Variants in SENP7 observed in about 807,000 individuals in gnomAD.
The protein encoded by SENP7 is sentrin-specific protease 7.
A neutral mutation model predicts 141.2 loss-of-function variants in SENP7; 64 were observed. The observed-to-expected ratio is 0.45, with a 90% CI of 0.37 to 0.56. The LOEUF (loss-of-function observed/expected upper bound fraction) is 0.56. Ranked by LOEUF, SENP7 falls within the 20% of genes least tolerant of loss-of-function variation. The pLI, the probability that SENP7 is intolerant of heterozygous loss-of-function variation, is 0.00. For synonymous variants in SENP7, 382 were observed against 426.4 expected (o/e 0.90, Z 1.28); for missense variants, 1,025 against 1,212.2 (o/e 0.85, Z 2.29).
chr3:101,345,213 G>A (rs1195810506), intron 13 of SENP7, among the ~76,000 whole-genome samples: 2 of 136,120 alleles, frequency 1.5e-5, no homozygotes, highest in Admixed American at 7.0e-5. Context: ...GGTTCCATAT[G>A]AATTTTAGGA....
Position 101,326,010 on chromosome 3 carries a change from T to C in SENP7, c.3086A>G (p.Lys1029Arg). The change falls in exon 24 of 24, where the codon AAA becomes AGA. Residue 1029 changes from lysine to arginine, a missense_variant. This residue lies in a region of SENP7 where 295 missense variants were observed against 459.1 expected (regional missense o/e 0.64). Coordinates refer to ENST00000394095, the MANE Select transcript of SENP7 (RefSeq NM_020654.5). Reference sequence around the variant, plus strand: ...GATGAGCTCTCGAATATCTTCCCGTTTGGTCTTTATTACATGACGAGGAAA... The same window carrying C: ...GATGAGCTCTCGAATATCTTCCCGTCTGGTCTTTATTACATGACGAGGAAA... ...KWFPRHVIKTKREDIRELILK... is the reference protein window; with the variant it reads ...KWFPRHVIKTRREDIRELILK... 6.2e-7 allele frequency: 1 copy of C among 1,611,092 alleles called. No individual in the cohort carries two copies. Among genetic ancestry groups the C allele is most frequent in the Non-Finnish European group, 8.5e-7 (1 of 1,178,432 alleles).
chr3:101,422,610 A>G (rs1483665921), intron 4 of SENP7, among the ~76,000 whole-genome samples: 2 of 152,138 alleles, frequency 1.3e-5, no homozygotes, highest in Non-Finnish European at 2.9e-5. Context: ...AGAACCATCC[A>G]ACTGTCTATT....
chr3:101,433,546 AC>A (rs2062265361), intron 4 of SENP7, among the ~76,000 whole-genome samples: 1 of 152,140 alleles, frequency 6.6e-6, no homozygotes, highest in South Asian at 2.1e-4. Context: ...ATAAAGACAC[AC>A]ATAAACTAAA....
intron 1 of SENP7, among the ~76,000 whole-genome samples, chr3:101,502,909 C>A (rs1459172667): frequency 6.8e-6 from 1 of 146,448 alleles, no homozygotes; most frequent in East Asian, 2.0e-4. Context: ...GAGTAAGACC[C>A]TGTCTCAGAT....
intron 2 of SENP7, among the ~76,000 whole-genome samples, chr3:101,499,758 A>G (rs2065302161): frequency 1.3e-5 from 2 of 151,656 alleles, no homozygotes; most frequent in Non-Finnish European, 2.9e-5. Context: ...GATGGTCTCG[A>G]TCTCCTGACC....
chr3:101,369,394 A>G (rs1232773115), intron 7 of SENP7, among the ~76,000 whole-genome samples: 1 of 152,248 alleles, frequency 6.6e-6, no homozygotes, highest in South Asian at 2.1e-4. Flanking sequence ...AACAATTCCT[A>G]ATAACTAATA....
At chr3:101,467,947 C>A (rs992938620) in intron 3 of SENP7, among the ~76,000 whole-genome samples, 3 of 152,066 alleles carry the variant, frequency 2.0e-5, no homozygotes, top group Admixed American at 2.0e-4. Flanking sequence ...CGCAAGGAAG[C>A]TAAAAACCTT....
In SENP7 at chr3:101,325,280, CAT is replaced by C. The variant is rs1301553386; in HGVS notation, c.*661_*662del. The stretch of plus-strand genomic sequence containing the variant: ...AATGAACTAAATTATAAGATACTCA[CAT>C]ATGACATCAAAAGAAATGAAAAAAA... On this transcript the variant is annotated 3_prime_UTR_variant, in exon 24 of 24. Coordinates refer to ENST00000394095, the MANE Select transcript of SENP7 (RefSeq NM_020654.5). 1 of 135,684 alleles carries C rather than the reference CAT, an allele frequency of 7.4e-6. No individual in the cohort carries two copies. Among genetic ancestry groups the C allele is most frequent in the African/African-American group, 2.6e-5 (1 of 37,952 alleles). 8.4% of individuals were successfully genotyped at this position (135,684 alleles called of 1,614,324 possible). A position where few individuals can be genotyped will look rare whatever the true frequency, so the allele number is the denominator to read the frequency against.
intron 1 of SENP7, among the ~76,000 whole-genome samples, chr3:101,501,330 C>T (rs2065370112): frequency 6.6e-6 from 1 of 150,638 alleles, no homozygotes; most frequent in African/African-American, 2.4e-5. Context: ...CACAAAATGT[C>T]CCCAGTAAAA....
Position 101,343,749 on chromosome 3 carries a change from T to C in SENP7, c.2043A>G (p.Ser681=), listed in dbSNP as rs747276035. 6 of 1,613,664 alleles carry C rather than the reference T, an allele frequency of 3.7e-6. No individual in the cohort carries two copies. In the African/African-American group the frequency reaches 8.0e-5, roughly 22 times the overall value. The change falls in exon 14 of 24, where the codon TCA becomes TCG. Residue 681 remains serine (S), a synonymous_variant. Coordinates refer to ENST00000394095, the MANE Select transcript of SENP7 (RefSeq NM_020654.5). ...CAACACCAGCAGGGAAAGAACAAGT[T>C]GAAACACAGTAATAATGAATAAAAG... The part of the protein sequence containing the change: ...ESSFIHYYCV[S]TCSFPAGVAV...
chr3:101,473,774 A>G (rs1325968358), intron 3 of SENP7, among the ~76,000 whole-genome samples: 3 of 152,046 alleles, frequency 2.0e-5, no homozygotes, highest in East Asian at 1.9e-4. Context: ...TTTTGTCCCA[A>G]TTGCTTTTGG....
intron 16 of SENP7, among the ~76,000 whole-genome samples, chr3:101,339,837 T>C (rs188598425): frequency 6.6e-6 from 1 of 151,976 alleles, no homozygotes; most frequent in African/African-American, 2.4e-5. Context: ...GTTAAAGAAA[T>C]TTACATCAAA....
At chr3:101,383,924 G>GACCA (rs1376629855) in intron 6 of SENP7, among the ~76,000 whole-genome samples, 1 of 152,202 alleles carries the variant, frequency 6.6e-6, no homozygotes, top group African/African-American at 2.4e-5. Flanking sequence ...CAGTTCCGTG[G>GACCA]ACCAGAGTGA....
intron 11 of SENP7, among the ~76,000 whole-genome samples, chr3:101,360,130 T>C (rs891117613): frequency 2.0e-5 from 3 of 152,102 alleles, no homozygotes; most frequent in African/African-American, 4.8e-5. Flanking sequence ...AGAAAAAGAA[T>C]TGTAAAATCA....
chr3:101,479,344 GT>G (rs1441530751), intron 3 of SENP7, among the ~76,000 whole-genome samples: 4 of 152,224 alleles, frequency 2.6e-5, no homozygotes, highest in Non-Finnish European at 4.4e-5. Context: ...GCTGGGTGCA[GT>G]GGCTCACGCC....
intron 3 of SENP7, among the ~76,000 whole-genome samples, chr3:101,485,039 T>G (rs1047506039): frequency 6.6e-6 from 1 of 151,538 alleles, no homozygotes; most frequent in Non-Finnish European, 1.5e-5. Flanking sequence ...GCCATAATCC[T>G]CCTAGGTACC....
intron 1 of SENP7, among the ~76,000 whole-genome samples, chr3:101,507,233 TA>T (rs769931048): frequency 3.7e-4 from 57 of 152,180 alleles, no homozygotes; most frequent in Non-Finnish European, 3.4e-4. Flanking sequence ...AAATGAAAGT[TA>T]TTCATCAGGA....
chr3:101,386,403 C>T (rs533511819), intron 6 of SENP7, among the ~76,000 whole-genome samples: 3 of 152,284 alleles, frequency 2.0e-5, no homozygotes, highest in African/African-American at 2.4e-5. Context: ...TGCCTGGAGT[C>T]CACATAACTG....
At chr3:101,335,004 A>T (rs1257276716) in intron 17 of SENP7, among the ~76,000 whole-genome samples, 2 of 152,210 alleles carry the variant, frequency 1.3e-5, no homozygotes, top group Non-Finnish European at 2.9e-5. Context: ...GGTACTGAGG[A>T]TAGAGTGGAA....
Sources: allele counts gnomAD v4.1 joint callset (sites outside exome capture counted in the v4.1 genomes callset), GRCh38; gene constraint gnomAD v4.1.1; regional missense constraint gnomAD v4.1.1; transcripts MANE v1.5; gene names NCBI Gene and HGNC (gene_info 2026-07-23, HGNC 2026-07-21).